Variants in PDSS2 observed in about 807,000 individuals in gnomAD.
PDSS2 encodes all trans-polyprenyl-diphosphate synthase PDSS2.
In PDSS2, 31 loss-of-function variants were observed where a neutral mutation model predicts 44.5. The observed-to-expected ratio is 0.70, with a 90% CI of 0.52 to 0.94. The LOEUF (loss-of-function observed/expected upper bound fraction) is 0.94. Among genes scored for constraint, PDSS2 ranks in the 40% least tolerant of loss-of-function variants. The probability of loss-of-function intolerance (pLI) is 0.00; values close to 1 mark genes in which losing one functional copy is unlikely to be tolerated. For missense variants in PDSS2, 452 were observed against 482.2 expected (o/e 0.94, Z 0.59); for synonymous variants, 157 against 180.3 (o/e 0.87, Z 1.03).
chr6:107,344,125 T>A (rs2115300859), intron 1 of PDSS2, among the ~76,000 whole-genome samples: 1 of 152,330 alleles, frequency 6.6e-6, no homozygotes, highest in South Asian at 2.1e-4. Flanking sequence ...TCCTACTACT[T>A]CACTTTTAAT....
chr6:107,324,518 AG>A, intron 2 of PDSS2, among the ~76,000 whole-genome samples: 1 of 152,306 alleles, frequency 6.6e-6, no homozygotes, highest in African/African-American at 2.4e-5. Context: ...TAACATGAAT[AG>A]GTTATTAAAA....
At chr6:107,408,858 T>A (rs1163440262) in intron 1 of PDSS2, among the ~76,000 whole-genome samples, 2 of 152,190 alleles carry the variant, frequency 1.3e-5, no homozygotes, top group Non-Finnish European at 2.9e-5. Context: ...TTTTGCTCCA[T>A]GAACACTCCA....
chr6:107,223,453 C>T (rs1248898153), intron 4 of PDSS2, among the ~76,000 whole-genome samples: 1 of 150,846 alleles, frequency 6.6e-6, no homozygotes, highest in Non-Finnish European at 1.5e-5. Flanking sequence ...ACTGCTTGAG[C>T]CTGGGAGGGA....
At chr6:107,223,089 C>G (rs1488227949) in intron 4 of PDSS2, among the ~76,000 whole-genome samples, 3 of 151,438 alleles carry the variant, frequency 2.0e-5, no homozygotes, top group African/African-American at 7.3e-5. Context: ...GCTGGGATTA[C>G]AGGTGTGCGT....
chr6:107,212,065 T>C, intron 5 of PDSS2, 44 bp downstream of exon 5: 1 of 1,524,236 alleles, frequency 6.6e-7, no homozygotes, highest in Non-Finnish European at 9.1e-7. Context: ...TGTGTCGTTT[T>C]AGCTATTTAA....
chr6:107,272,178 CAG>C (rs1166565691), intron 3 of PDSS2, among the ~76,000 whole-genome samples: 1 of 151,438 alleles, frequency 6.6e-6, no homozygotes, highest in Non-Finnish European at 1.5e-5. Context: ...AAAACAAAAA[CAG>C]AGGCTGGAAG....
chr6:107,380,794 T>C (rs993382805), intron 1 of PDSS2, among the ~76,000 whole-genome samples: 1 of 152,188 alleles, frequency 6.6e-6, no homozygotes, highest in Non-Finnish European at 1.5e-5. Flanking sequence ...TTAAGAGTTA[T>C]TGATTTTCAG....
intron 3 of PDSS2, among the ~76,000 whole-genome samples, chr6:107,257,396 AG>A (rs1775059050): frequency 1.4e-5 from 2 of 147,520 alleles, no homozygotes. Context: ...AAAATTAACA[AG>A]GCATGGTGTC....
At chr6:107,218,463 T>C (rs961141952) in intron 4 of PDSS2, among the ~76,000 whole-genome samples, 1 of 152,206 alleles carries the variant, frequency 6.6e-6, no homozygotes, top group Non-Finnish European at 1.5e-5. Context: ...TTTAATAGTC[T>C]ACCAGCCTCC....
At chr6:107,390,183 G>C (rs912611243) in intron 1 of PDSS2, among the ~76,000 whole-genome samples, 3 of 152,200 alleles carry the variant, frequency 2.0e-5, no homozygotes, top group African/African-American at 7.2e-5. Context: ...TAGATTTAGT[G>C]ACTCACTTCC....
chr6:107,406,390 ATTAAG>A (rs1780321413), intron 1 of PDSS2, among the ~76,000 whole-genome samples: 2 of 152,202 alleles, frequency 1.3e-5, no homozygotes, highest in Admixed American at 6.5e-5. Flanking sequence ...GTGGTAAGGA[ATTAAG>A]TTAACTGTTT....
intron 2 of PDSS2, among the ~76,000 whole-genome samples, chr6:107,288,277 T>C (rs62430081): frequency 0.03 from 4,506 of 152,286 alleles, 101 homozygotes; most frequent in Non-Finnish European, 0.044. Flanking sequence ...TACGGCCAAA[T>C]CTACGCCTTC....
intron 1 of PDSS2, among the ~76,000 whole-genome samples, chr6:107,424,844 T>G (rs1425824984): frequency 6.6e-6 from 1 of 152,198 alleles, no homozygotes; most frequent in Admixed American, 6.5e-5. Context: ...TATGAACAAC[T>G]CCATCAGTCT....
chr6:107,304,282 G>A (rs1010640549), intron 2 of PDSS2, among the ~76,000 whole-genome samples: 2 of 152,168 alleles, frequency 1.3e-5, no homozygotes, highest in Non-Finnish European at 2.9e-5. Flanking sequence ...TGAAATTCAG[G>A]GTTATCTGGG....
chr6:107,355,879 C>G (rs968369910), intron 1 of PDSS2, among the ~76,000 whole-genome samples: 7 of 152,186 alleles, frequency 4.6e-5, no homozygotes, highest in African/African-American at 1.7e-4. Flanking sequence ...ACGTGTGATT[C>G]TAATGTGCAG....
chr6:107,169,993 T>A (rs567239679), intron 7 of PDSS2, among the ~76,000 whole-genome samples: 48 of 152,282 alleles, frequency 3.2e-4, no homozygotes, highest in African/African-American at 1.1e-3. Context: ...GAACCACTAC[T>A]CTCTTCAAAG....
At chr6:107,347,613 CTT>C (rs1281785510) in intron 1 of PDSS2, among the ~76,000 whole-genome samples, 12 of 152,248 alleles carry the variant, frequency 7.9e-5, no homozygotes, top group African/African-American at 2.9e-4. Context: ...TTTCTTCGTT[CTT>C]TTCTGAACAC....
chr6:107,421,488 A>C (rs1483672015), intron 1 of PDSS2, among the ~76,000 whole-genome samples: 1 of 152,136 alleles, frequency 6.6e-6, no homozygotes, highest in Non-Finnish European at 1.5e-5. Flanking sequence ...ATACAATGAG[A>C]TATTAATTAG....
chr6:107,458,944 G>C (rs1473823857), intron 1 of PDSS2, 46 bp downstream of exon 1: 1 of 1,583,232 alleles, frequency 6.3e-7, no homozygotes, highest in Admixed American at 1.7e-5. Flanking sequence ...AGAAAAAAAA[G>C]TATTCCAATG....
Sources: gnomAD v4.1 joint callset for allele counts (sites outside exome capture counted in the v4.1 genomes callset) on GRCh38, gnomAD v4.1.1 for gene constraint, MANE v1.5 for transcripts, NCBI Gene and HGNC (gene_info 2026-07-23, HGNC 2026-07-21) for gene names.